The following AHI1 variants were observed in gnomAD, a reference collection of about 807,000 sequenced individuals.
The protein encoded by AHI1 is jouberin.
Under a neutral mutation model 149.3 loss-of-function variants are expected in AHI1, and 123 were observed. The observed-to-expected ratio is 0.82, with a 90% CI of 0.71 to 0.96. AHI1 has a LOEUF of 0.96. AHI1 is among the 40% of genes least tolerant of loss of function. The probability of loss-of-function intolerance (pLI) is 0.00; values close to 1 mark genes in which losing one functional copy is unlikely to be tolerated. For synonymous variants in AHI1, 475 were observed against 459.8 expected (o/e 1.03, Z -0.42); for missense variants, 1,439 against 1,422.7 (o/e 1.01, Z -0.18).
rs541041911 is a variant in AHI1 at position 135,438,435 on chromosome 6, T to C, written c.1976A>G (p.Asp659Gly). The C allele has an allele frequency of 1.9e-6, 3 of 1,562,964 alleles. No individual in the cohort carries two copies. Among genetic ancestry groups the C allele is most frequent in the East Asian group, 2.4e-5 (1 of 42,472 alleles). The change falls in exon 15 of 29, where the codon GAT (aspartate) becomes GGT (glycine). Residue 659 changes from aspartate to glycine, a missense_variant. Coordinates refer to ENST00000265602, the MANE Select transcript of AHI1 (RefSeq NM_001134831.2). Reference protein sequence around the residue: ...ELCGHLNIIYDLSWSKDDHYI... With the variant: ...ELCGHLNIIYGLSWSKDDHYI... Reference sequence around the variant, plus strand: ...GTGATCATCTTTTGACCAGGAAAGATCATAAATGATATTGAGGTGGCCACA... The same window carrying C: ...GTGATCATCTTTTGACCAGGAAAGACCATAAATGATATTGAGGTGGCCACA...
intron 24 of AHI1, among the ~76,000 whole-genome samples, chr6:135,334,913 T>G (rs994995882): frequency 1.3e-5 from 2 of 152,240 alleles, no homozygotes; most frequent in Non-Finnish European, 2.9e-5. Context: ...TCATAAATTC[T>G]GGGGATGGCC....
chr6:135,327,821 T>C (rs986173900), intron 24 of AHI1, among the ~76,000 whole-genome samples: 4 of 152,118 alleles, frequency 2.6e-5, no homozygotes, highest in Non-Finnish European at 4.4e-5. Context: ...AGCTTCCAAA[T>C]AGCTGAACAA....
rs147494713 is a variant in AHI1 at position 135,330,940 on chromosome 6, A to G, written c.3166-7616T>C. Among the ~76,000 whole-genome samples, 1,436 of 152,268 alleles carry G rather than the reference A, an allele frequency of 9.4e-3. 6 individuals are homozygous for G. The highest frequency in any genetic ancestry group is 0.014 in the Non-Finnish European group (985 of 68,010). On this transcript the variant is annotated intron_variant, in intron 24 of 28. Transcript: ENST00000265602. ...ACTTCCCTATGTCCAATTAGATTTT[A>G]TTATTTCAATATTTTATAATAAATT...
At chr6:135,310,405 T>C (rs1236180145) in intron 26 of AHI1, among the ~76,000 whole-genome samples, 1 of 152,222 alleles carries the variant, frequency 6.6e-6, no homozygotes, top group Non-Finnish European at 1.5e-5. Context: ...TTTGCGTGTA[T>C]GTGTGTTTGG....
At chr6:135,341,621 C>A (rs1790382255) in intron 24 of AHI1, among the ~76,000 whole-genome samples, 7 of 151,830 alleles carry the variant, frequency 4.6e-5, no homozygotes, top group Admixed American at 4.6e-4. Context: ...AACCTGAAAG[C>A]ACAGAAAGTA....
chr6:135,406,874 A>G (rs1780869563), intron 21 of AHI1, among the ~76,000 whole-genome samples: 1 of 152,184 alleles, frequency 6.6e-6, no homozygotes, highest in Admixed American at 6.5e-5. Context: ...AGGATTGATT[A>G]ATCTTAATAG....
At position 135,433,102 on chromosome 6, in the gene AHI1, C is replaced by T; in HGVS notation, c.2191G>A (p.Glu731Lys). ...TGTCGGACCAATATGGCAGAATCTTCTCTCATCTCAACTTTCCATATCCGT... is the reference window on the plus strand; with the variant it reads ...TGTCGGACCAATATGGCAGAATCTTTTCTCATCTCAACTTTCCATATCCGT... ...MIRIWKVEMR[E>K]DSAILVRQFD... The change falls in exon 16 of 29, where the codon GAA becomes AAA. Residue 731 changes from glutamate to lysine, a missense_variant. By Grantham distance (56) the Glu-to-Lys change is moderately conservative. Transcript: ENST00000265602. 1.2e-6 allele frequency: 2 copies of T among 1,613,734 alleles called. No homozygotes were observed. The highest frequency in any genetic ancestry group is 1.7e-6 in the Non-Finnish European group (2 of 1,179,724).
chr6:135,362,052 T>G (rs558273930), intron 23 of AHI1, among the ~76,000 whole-genome samples: 7 of 152,224 alleles, frequency 4.6e-5, no homozygotes, highest in African/African-American at 1.4e-4. Context: ...CTATCCAGGT[T>G]GCTGTGAATG....
chr6:135,302,879 G>A (rs147562719), intron 26 of AHI1: 28 of 1,184,206 alleles, frequency 2.4e-5, no homozygotes, highest in Middle Eastern at 2.3e-4. Context: ...CCCCACCATC[G>A]ACAACGCCAA....
At chr6:135,329,059 T>TGCTTCCTA (rs1319337655) in intron 24 of AHI1, among the ~76,000 whole-genome samples, 1 of 152,182 alleles carries the variant, frequency 6.6e-6, no homozygotes, top group Non-Finnish European at 1.5e-5. Flanking sequence ...TAGCAGAGGT[T>TGCTTCCTA]GCTTCATGAA....
chr6:135,365,654 A>C (rs1199516410), intron 23 of AHI1, among the ~76,000 whole-genome samples: 1 of 152,134 alleles, frequency 6.6e-6, no homozygotes, highest in Non-Finnish European at 1.5e-5. Flanking sequence ...ATTTGTGTAC[A>C]TTGATTTTGC....
chr6:135,300,394 T>C, intron 27 of AHI1, 106 bp downstream of exon 27: 1 of 1,211,160 alleles, frequency 8.3e-7, no homozygotes, highest in Non-Finnish European at 1.1e-6. Flanking sequence ...ATCTGAAATT[T>C]AACTTATAGT....
intron 23 of AHI1, among the ~76,000 whole-genome samples, chr6:135,364,097 A>G (rs1287450312): frequency 5.0e-5 from 7 of 140,366 alleles, no homozygotes; most frequent in South Asian, 2.4e-4. Flanking sequence ...CTCCCGGACG[A>G]GGTGGCTGCC....
At chr6:135,365,799 A>C (rs562295605) in intron 23 of AHI1, among the ~76,000 whole-genome samples, 11 of 152,150 alleles carry the variant, frequency 7.2e-5, no homozygotes, top group Admixed American at 3.9e-4. Flanking sequence ...AATGTCCTTT[A>C]TTTCTTTCCC....
chr6:135,409,999 A>C (rs559076785), intron 21 of AHI1, among the ~76,000 whole-genome samples: 1 of 152,306 alleles, frequency 6.6e-6, no homozygotes, highest in Admixed American at 6.5e-5. Context: ...CAGTGGCACT[A>C]TGTATCAGAC....
intron 11 of AHI1, among the ~76,000 whole-genome samples, chr6:135,452,399 G>A (rs1220186103): frequency 1.3e-5 from 2 of 152,086 alleles, no homozygotes; most frequent in African/African-American, 2.4e-5. Flanking sequence ...GAAACATCTC[G>A]TCAAAGACAT....
intron 23 of AHI1, among the ~76,000 whole-genome samples, chr6:135,370,084 G>C (rs560565307): frequency 6.6e-6 from 1 of 152,254 alleles, no homozygotes; most frequent in South Asian, 2.1e-4. Context: ...ACATGCCTCA[G>C]AATTTGATTA....
intron 23 of AHI1, among the ~76,000 whole-genome samples, chr6:135,385,814 A>G (rs1163265730): frequency 6.6e-6 from 1 of 152,166 alleles, no homozygotes; most frequent in African/African-American, 2.4e-5. Flanking sequence ...AACAAAAACA[A>G]AAACAAAACA....
intron 26 of AHI1, among the ~76,000 whole-genome samples, chr6:135,310,336 G>A (rs1785027277): frequency 6.6e-6 from 1 of 152,106 alleles, no homozygotes; most frequent in African/African-American, 2.4e-5. Context: ...CACATTGAGG[G>A]CAATATATTT....
Sources: gnomAD v4.1 joint callset for allele counts (sites outside exome capture counted in the v4.1 genomes callset) on GRCh38, gnomAD v4.1.1 for gene constraint, MANE v1.5 for transcripts, NCBI Gene and HGNC (gene_info 2026-07-23, HGNC 2026-07-21) for gene names.